RHOBTB3: variants seen among roughly 807,000 people sequenced by gnomAD.
RHOBTB3 encodes the protein Rho related BTB domain containing 3, also known as rho-related BTB domain-containing protein 3.
A neutral mutation model predicts 67.2 loss-of-function variants in RHOBTB3; 47 were observed. That is an observed-to-expected ratio of 0.70 (90% CI 0.55 to 0.89). The LOEUF (loss-of-function observed/expected upper bound fraction) is 0.89, where lower values mean the gene tolerates loss of function less well. RHOBTB3 is among the 40% of genes least tolerant of loss of function. The pLI, the probability that RHOBTB3 is intolerant of heterozygous loss-of-function variation, is 0.00. For missense variants in RHOBTB3, 631 were observed against 750.0 expected (o/e 0.84, Z 1.85); for synonymous variants, 273 against 274.2 (o/e 1.00, Z 0.04).
chr5:95,732,124 C>G (rs1295735846), intron 2 of RHOBTB3, 40 bp downstream of exon 2: 9 of 1,581,884 alleles, frequency 5.7e-6, no homozygotes, highest in Admixed American at 5.1e-5. Context: ...GCTGAAGAAG[C>G]TTTTCTTTCC....
intron 10 of RHOBTB3, among the ~76,000 whole-genome samples, chr5:95,788,226 C>G (rs1210760397): frequency 1.3e-5 from 2 of 152,192 alleles, no homozygotes; most frequent in Non-Finnish European, 2.9e-5. Flanking sequence ...GAGAATGGAG[C>G]TGGAAATCCT....
chr5:95,788,060 CAT>C (rs1280634786), intron 10 of RHOBTB3, among the ~76,000 whole-genome samples: 1 of 152,260 alleles, frequency 6.6e-6, no homozygotes, highest in African/African-American at 2.4e-5. Context: ...GTTCTATACT[CAT>C]GTGCCAAAGT....
chr5:95,783,084 CTTT>C (rs1262583514), intron 9 of RHOBTB3, among the ~76,000 whole-genome samples: 3 of 142,210 alleles, frequency 2.1e-5, no homozygotes, highest in African/African-American at 7.6e-5. Flanking sequence ...TTTATTTTTA[CTTT>C]TTTATTTTAT....
chr5:95,784,107 A>G, intron 10 of RHOBTB3, 144 bp downstream of exon 10: 1 of 624,496 alleles, frequency 1.6e-6, no homozygotes, highest in Non-Finnish European at 2.6e-6. Context: ...GTGCCTTCAC[A>G]ACAGTTTATC....
At chr5:95,769,143 A>G in intron 8 of RHOBTB3, 1 of 364,338 alleles carries the variant, frequency 2.7e-6, no homozygotes, top group Non-Finnish European at 5.4e-6. Context: ...CCGATGCCGT[A>G]GCTGCTACAG....
At chr5:95,766,136 T>G (rs1252957685) in intron 7 of RHOBTB3, among the ~76,000 whole-genome samples, 3 of 152,154 alleles carry the variant, frequency 2.0e-5, no homozygotes, top group African/African-American at 7.2e-5. Flanking sequence ...TGGATACCAT[T>G]CTGGAATGTT....
At chr5:95,752,437 T>C (rs1319509885) in intron 5 of RHOBTB3, 87 bp downstream of exon 5, 3 of 906,718 alleles carry the variant, frequency 3.3e-6, no homozygotes, top group Admixed American at 4.8e-5. Flanking sequence ...ATTCTCAAAC[T>C]TGAGCATGCT....
rs193233872 is a variant in RHOBTB3, at chr5:95,780,214, A to G, written c.1283-38A>G. 2,158 of 1,584,368 alleles carry G rather than the reference A, an allele frequency of 1.4e-3. 2 individuals carry two copies. The highest frequency in any genetic ancestry group is 1.7e-3 in the Non-Finnish European group (1,991 of 1,156,516). ...ATTGCTGGAATAACCCTGCAGGTTT[A>G]TCTCACTTGTTTCTTGTTTCCCTTT... On this transcript the variant is annotated intron_variant, in intron 8 of 11. Transcript: ENST00000379982.
At chr5:95,766,747 G>C (rs903297277) in intron 7 of RHOBTB3, among the ~76,000 whole-genome samples, 1 of 152,180 alleles carries the variant, frequency 6.6e-6, no homozygotes, top group Non-Finnish European at 1.5e-5. Context: ...GTCTGAGTTA[G>C]ACAGAGAGGC....
At chr5:95,723,609 C>CATT (rs1754960982) in intron 1 of RHOBTB3, among the ~76,000 whole-genome samples, 2 of 152,174 alleles carry the variant, frequency 1.3e-5, no homozygotes. Flanking sequence ...TAAATTTGCA[C>CATT]ACTTTATCTC....
At chr5:95,732,474 A>G (rs1755317687) in intron 2 of RHOBTB3, 2 of 370,166 alleles carry the variant, frequency 5.4e-6, no homozygotes, top group East Asian at 4.3e-5. Flanking sequence ...TTCTAAAAAT[A>G]CATCCCTCTC....
At chr5:95,768,017 T>C in intron 7 of RHOBTB3, 29 bp from the exon 8 acceptor site, 6 of 1,606,782 alleles carry the variant, frequency 3.7e-6, no homozygotes, top group Non-Finnish European at 5.1e-6. Context: ...TTAAACAACC[T>C]TTCCCTGTAT....
chr5:95,774,604 G>A (rs1745813485), intron 8 of RHOBTB3, among the ~76,000 whole-genome samples: 1 of 152,118 alleles, frequency 6.6e-6, no homozygotes, highest in Non-Finnish European at 1.5e-5. Flanking sequence ...TAGATTCCTT[G>A]TCAAAGAATA....
intron 7 of RHOBTB3, chr5:95,767,711 A>G (rs899543835): frequency 1.6e-6 from 1 of 638,260 alleles, no homozygotes; most frequent in Admixed American, 2.4e-5. Flanking sequence ...ATATTTTAGT[A>G]GGCATTTGTA....
At chr5:95,782,659 A>C (rs1318872072) in intron 9 of RHOBTB3, 1 of 152,156 alleles carries the variant, frequency 6.6e-6, no homozygotes, top group East Asian at 1.9e-4. Context: ...ATACAAAAAA[A>C]ATTAGCCGGG....
At chr5:95,746,932 C>G (rs13328204) in intron 3 of RHOBTB3, among the ~76,000 whole-genome samples, 1 of 152,222 alleles carries the variant, frequency 6.6e-6, no homozygotes, top group African/African-American at 2.4e-5. Context: ...AGCGTATACC[C>G]GATATTTACA....
At chr5:95,756,379 G>C (rs1327132299) in intron 6 of RHOBTB3, among the ~76,000 whole-genome samples, 1 of 152,162 alleles carries the variant, frequency 6.6e-6, no homozygotes, top group Admixed American at 6.5e-5. Flanking sequence ...AGTACATATA[G>C]ACCACATTTT....
intron 4 of RHOBTB3, among the ~76,000 whole-genome samples, chr5:95,748,989 G>A (rs1745008618): frequency 6.6e-6 from 1 of 152,174 alleles, no homozygotes; most frequent in Non-Finnish European, 1.5e-5. Flanking sequence ...GCTGCTTGTT[G>A]GATATGTGGG....
intron 8 of RHOBTB3, among the ~76,000 whole-genome samples, chr5:95,772,591 A>C (rs1745749278): frequency 6.6e-6 from 1 of 152,134 alleles, no homozygotes; most frequent in Admixed American, 6.5e-5. Flanking sequence ...CTAAATGACT[A>C]ATCTCATTCT....
Sources: allele counts gnomAD v4.1 joint callset (sites outside exome capture counted in the v4.1 genomes callset), GRCh38; gene constraint gnomAD v4.1.1; transcripts MANE v1.5; gene names NCBI Gene and HGNC (gene_info 2026-07-23, HGNC 2026-07-21).